DAB2IP: variants seen among roughly 807,000 people sequenced by gnomAD.
DAB2IP encodes the protein disabled homolog 2-interacting protein.
In DAB2IP, 28 loss-of-function variants were observed where a neutral mutation model predicts 107.2. That is an observed-to-expected ratio of 0.26 (90% CI 0.19 to 0.36). The LOEUF is 0.36. Among genes scored for constraint, DAB2IP ranks in the 10% least tolerant of loss-of-function variants. The pLI, the probability that DAB2IP is intolerant of heterozygous loss-of-function variation, is 1.00. For missense variants in DAB2IP, 1,400 were observed against 1,644.7 expected (o/e 0.85, Z 2.57); for synonymous variants, 755 against 706.4 (o/e 1.07, Z -1.09).
chr9:121,768,474 C>G (rs773957426), exon 10 of DAB2IP: 1 of 1,614,112 alleles, frequency 6.2e-7, no homozygotes, highest in Non-Finnish European at 8.5e-7. Flanking sequence ...TGAACCAGTT[C>G]CTAGAGCATG....
chr9:121,570,759 G>C (rs1057229672), intron 1 of DAB2IP, among the ~76,000 whole-genome samples: 3 of 152,100 alleles, frequency 2.0e-5, no homozygotes, highest in African/African-American at 7.2e-5. Flanking sequence ...CGTTGCCCAG[G>C]CTGGTCTCAA....
chr9:121,750,368 G>A (rs947564755), intron 3 of DAB2IP, among the ~76,000 whole-genome samples: 2 of 152,150 alleles, frequency 1.3e-5, no homozygotes, highest in African/African-American at 4.8e-5. Flanking sequence ...CCACTGCACT[G>A]CCTGCCTTTG....
intron 3 of DAB2IP, among the ~76,000 whole-genome samples, chr9:121,746,400 T>C (rs188485630): frequency 2.6e-5 from 4 of 152,058 alleles, no homozygotes; most frequent in Admixed American, 2.6e-4. Context: ...TCACAGAGTT[T>C]TGTGTGTGTG....
At chr9:121,569,708 C>A (rs1333354751) in intron 1 of DAB2IP, among the ~76,000 whole-genome samples, 7 of 152,192 alleles carry the variant, frequency 4.6e-5, no homozygotes, top group African/African-American at 7.2e-5. Context: ...TTAATCCCAG[C>A]TACTTGGGAG....
intron 3 of DAB2IP, among the ~76,000 whole-genome samples, chr9:121,714,845 G>A (rs770824704): frequency 6.6e-6 from 1 of 152,262 alleles, no homozygotes; most frequent in Non-Finnish European, 1.5e-5. Context: ...GACAAAAGGA[G>A]TAAGCTGAGC....
chr9:121,763,813 C>T, exon 8 of DAB2IP: 1 of 1,614,158 alleles, frequency 6.2e-7, no homozygotes, highest in Non-Finnish European at 8.5e-7. Context: ...GCTGACCTCC[C>T]AGAGCACCAG....
rs953270652 is a variant in DAB2IP, at chr9:121,736,167, C to G, written c.363-20846C>G. On this transcript the variant is annotated intron_variant, in intron 3 of 15. Coordinates refer to ENST00000408936, the Ensembl canonical transcript of DAB2IP. The surrounding 1 kb of genome is among the most constrained non-coding windows in gnomAD (Gnocchi z 4.6). The stretch of plus-strand genomic sequence containing the variant: ...CTTGTCTGGACCTCAGTTGTGTTCA[C>G]TTGTTAAAATGTTGGAATGGAAATG... Among the ~76,000 whole-genome samples, 1 of 152,198 alleles carries G rather than the reference C, an allele frequency of 6.6e-6. No homozygotes were observed. Among genetic ancestry groups the G allele is most frequent in the African/African-American group, 2.4e-5 (1 of 41,452 alleles).
At chr9:121,678,765 C>T (rs199540285) in exon 2 of DAB2IP, 67 of 1,595,572 alleles carry the variant, frequency 4.2e-5, no homozygotes, top group African/African-American at 2.3e-4. Flanking sequence ...TCGGCCGCCA[C>T]GCCGTTCCGG....
At chr9:121,693,284 C>T (rs937635484) in intron 2 of DAB2IP, among the ~76,000 whole-genome samples, 1 of 152,186 alleles carries the variant, frequency 6.6e-6, no homozygotes, top group African/African-American at 2.4e-5. Context: ...TCCTGACTCT[C>T]ACTCTGTGAC....
intron 1 of DAB2IP, among the ~76,000 whole-genome samples, chr9:121,604,756 C>T (rs778270859): frequency 3.3e-5 from 5 of 152,292 alleles, no homozygotes; most frequent in East Asian, 1.9e-4. Context: ...GCCTGTCCCC[C>T]GTGATGGGCT....
rs567892505 is a variant in DAB2IP, at chr9:121,667,636, G to T, written c.125-11042G>T. Reference sequence around the variant, plus strand: ...CTCCTGAGTAGTTGGGATTACAGTTGTGCGTCACCACACCCAGCTAATTTT... The same window carrying T: ...CTCCTGAGTAGTTGGGATTACAGTTTTGCGTCACCACACCCAGCTAATTTT... On this transcript the variant is annotated intron_variant, in intron 1 of 15. Coordinates refer to ENST00000408936, the Ensembl canonical transcript of DAB2IP. 7.2e-5 allele frequency among the ~76,000 whole-genome samples: 11 copies of T among 151,730 alleles called. No homozygotes were observed. The South Asian group carries it at 2.3e-3, about 32-fold the overall frequency.
At chr9:121,706,994 A>T (rs1453741849) in intron 3 of DAB2IP, among the ~76,000 whole-genome samples, 1 of 152,188 alleles carries the variant, frequency 6.6e-6, no homozygotes, top group Non-Finnish European at 1.5e-5. Flanking sequence ...AGTGATCCCA[A>T]GGCTGGAGGT....
At chr9:121,762,129 T>C (rs1372927114) in intron 6 of DAB2IP, among the ~76,000 whole-genome samples, 1 of 152,164 alleles carries the variant, frequency 6.6e-6, no homozygotes, top group Non-Finnish European at 1.5e-5. Context: ...ACTTGGGAAC[T>C]AGCCCCTCTT....
In DAB2IP at chr9:121,772,947, C is replaced by G. The variant is rs766972496; in HGVS notation, c.2419C>G (p.Pro807Ala). 1 of 1,571,060 alleles carries G rather than the reference C, an allele frequency of 6.4e-7. No homozygotes were observed. Among genetic ancestry groups the G allele is most frequent in the African/African-American group, 1.3e-5 (1 of 74,190 alleles). ...CACGGTGCGGCGGGCAGGCCAGACA[C>G]CAACCACACCAGGCACCTCCGAGGG... Residue 807 changes from proline (P) to alanine (A), a missense_variant, in exon 12 of 16, where the codon CCA becomes GCA. Pro to Ala is a conservative substitution (Grantham distance 27). This residue lies in a region of DAB2IP where 600 missense variants were observed against 659.1 expected (regional missense o/e 0.91). Coordinates refer to ENST00000408936, the Ensembl canonical transcript of DAB2IP. The surrounding 1 kb of genome is among the most constrained non-coding windows in gnomAD (Gnocchi z 4.7).
At chr9:121,748,313 G>T (rs1393394475) in intron 3 of DAB2IP, among the ~76,000 whole-genome samples, 2 of 152,194 alleles carry the variant, frequency 1.3e-5, no homozygotes, top group Non-Finnish European at 2.9e-5. Context: ...TGGGGTGCTG[G>T]GCTGATTGGA....
At chr9:121,591,944 T>C (rs1453690465) in intron 1 of DAB2IP, among the ~76,000 whole-genome samples, 1 of 151,840 alleles carries the variant, frequency 6.6e-6, no homozygotes. Flanking sequence ...TATGGTAAGA[T>C]GGAAGGGAAC....
Position 121,772,592 on chromosome 9 carries a change from C to T in DAB2IP, c.2079-15C>T, listed in dbSNP as rs1834843968. 1 of 1,602,534 alleles carries T rather than the reference C, an allele frequency of 6.2e-7. No individual in the cohort carries two copies. The highest frequency in any genetic ancestry group is 1.3e-5 in the African/African-American group (1 of 74,706). The stretch of plus-strand genomic sequence containing the variant: ...TTTTCCCCTTCTTTCCCTGTGTGTG[C>T]TTGTCTCCCTGCAGTCTGATAGATT... On this transcript the variant is annotated splice_polypyrimidine_tract_variant and intron_variant, in intron 11 of 15. Transcript: ENST00000408936. This position sits in a 1 kb window ranked among gnomAD's most constrained non-coding sequence, Gnocchi z 4.7.
intron 1 of DAB2IP, among the ~76,000 whole-genome samples, chr9:121,657,225 A>C (rs1342020332): frequency 6.6e-6 from 1 of 152,052 alleles, no homozygotes; most frequent in Non-Finnish European, 1.5e-5. Flanking sequence ...CTTAGTGCTG[A>C]GGGTTCAGAG....
intron 1 of DAB2IP, among the ~76,000 whole-genome samples, chr9:121,641,952 T>C (rs1429471347): frequency 5.4e-5 from 6 of 111,406 alleles, no homozygotes; most frequent in African/African-American, 1.0e-4. Context: ...TTTCTTTCCT[T>C]TCTTTCTTTC....
Sources: gnomAD v4.1 joint callset for allele counts (sites outside exome capture counted in the v4.1 genomes callset) on GRCh38, gnomAD v4.1.1 for gene constraint, gnomAD v4.1.1 regional missense constraint, Gnocchi (gnomAD v3.1) non-coding constraint, MANE v1.5 for transcripts, NCBI Gene and HGNC (gene_info 2026-07-23, HGNC 2026-07-21) for gene names.